Variants in PTPRD observed in about 807,000 individuals in gnomAD.
The protein encoded by PTPRD is receptor-type tyrosine-protein phosphatase delta.
A neutral mutation model predicts 214.5 loss-of-function variants in PTPRD; 34 were observed. The ratio of observed to expected loss-of-function variants is 0.16; its 90% confidence interval spans 0.12 to 0.21. The LOEUF is 0.21. PTPRD is among the 10% of genes least tolerant of loss of function. The probability of loss-of-function intolerance (pLI) is 1.00; values close to 1 mark genes in which losing one functional copy is unlikely to be tolerated. For missense variants in PTPRD, 2,545 were observed against 2,398.7 expected, an observed-to-expected ratio of 1.06 and a Z score of -1.27; for synonymous variants, 1,128 against 845.7, an observed-to-expected ratio of 1.33 and a Z score of -5.79.
intron 9 of PTPRD, among the ~76,000 whole-genome samples, chr9:9,294,171 A>C (rs1412884): frequency 0.13 from 20,248 of 151,604 alleles, 1,645 homozygotes; most frequent in Middle Eastern, 0.2. Flanking sequence ...TCACACTACT[A>C]AGAATGTTGT....
chr9:9,736,523 T>C (rs369347172), intron 6 of PTPRD, among the ~76,000 whole-genome samples: 3 of 152,086 alleles, frequency 2.0e-5, no homozygotes, highest in South Asian at 4.1e-4. Context: ...CATTACTGGG[T>C]CAGAAAATAT....
intron 30 of PTPRD, among the ~76,000 whole-genome samples, chr9:8,473,059 C>T (rs775566499): frequency 3.6e-4 from 55 of 152,286 alleles, no homozygotes; most frequent in South Asian, 8.3e-4. Context: ...CGGAGAGACG[C>T]ATCTGAACTA....
chr9:8,695,367 T>G (rs2097889941), intron 12 of PTPRD, among the ~76,000 whole-genome samples: 1 of 152,110 alleles, frequency 6.6e-6, no homozygotes, highest in East Asian at 1.9e-4. Context: ...CAGTAAGATT[T>G]GCCACTTAGG....
intron 10 of PTPRD, among the ~76,000 whole-genome samples, chr9:9,030,468 T>A (rs2099601667): frequency 6.6e-6 from 1 of 151,808 alleles, no homozygotes; most frequent in Non-Finnish European, 1.5e-5. Flanking sequence ...TTTGTGTACA[T>A]ACCAAGTCTC....
intron 9 of PTPRD, among the ~76,000 whole-genome samples, chr9:9,293,546 C>T (rs1951936623): frequency 6.6e-6 from 1 of 151,506 alleles, no homozygotes; most frequent in African/African-American, 2.4e-5. Context: ...TTAGAAACCA[C>T]ATATGAAAGT....
At chr9:10,423,741 TG>T (rs1205404045) in intron 2 of PTPRD, among the ~76,000 whole-genome samples, 1 of 151,980 alleles carries the variant, frequency 6.6e-6, no homozygotes, top group East Asian at 1.9e-4. Flanking sequence ...AAAACCTGAA[TG>T]TAAGTTTACT....
chr9:8,508,423 G>A (rs1174242267), intron 21 of PTPRD, among the ~76,000 whole-genome samples: 2 of 152,064 alleles, frequency 1.3e-5, no homozygotes, highest in East Asian at 3.9e-4. Flanking sequence ...CATTGTTCTT[G>A]GCCACTGTCT....
chr9:8,483,989 G>T (rs1276879242), intron 30 of PTPRD, 130 bp downstream of exon 30: 1 of 1,189,916 alleles, frequency 8.4e-7, no homozygotes, highest in East Asian at 2.4e-5. Context: ...AGCAAAACTG[G>T]GAGTCTGAGC....
chr9:9,382,967 T>C (rs116684825), intron 9 of PTPRD, among the ~76,000 whole-genome samples: 5,567 of 152,206 alleles, frequency 0.037, 356 homozygotes, highest in African/African-American at 0.13. Flanking sequence ...TAGAATATTA[T>C]GTTGCCTTAT....
At chr9:8,417,750 G>A (rs2094049268) in intron 35 of PTPRD, among the ~76,000 whole-genome samples, 1 of 152,058 alleles carries the variant, frequency 6.6e-6, no homozygotes, top group Non-Finnish European at 1.5e-5. Flanking sequence ...AGTGAAAGAG[G>A]CATATTTATA....
chr9:8,633,480 G>A, intron 13 of PTPRD, 22 bp from the exon 14 acceptor site: 2 of 1,607,828 alleles, frequency 1.2e-6, no homozygotes, highest in Non-Finnish European at 1.7e-6. Context: ...AACAATAGCT[G>A]TCACAGGTGT....
At chr9:9,971,456 A>G (rs986306457) in intron 4 of PTPRD, among the ~76,000 whole-genome samples, 3 of 152,198 alleles carry the variant, frequency 2.0e-5, no homozygotes, top group Non-Finnish European at 2.9e-5. Context: ...TGAAAGCAGT[A>G]TAACTCTACT....
chr9:9,587,583 G>T (rs986783431), intron 7 of PTPRD, among the ~76,000 whole-genome samples: 2 of 151,966 alleles, frequency 1.3e-5, no homozygotes, highest in Non-Finnish European at 1.5e-5. Flanking sequence ...ATACTACAGT[G>T]CTTCTCAAAC....
chr9:8,697,913 T>C (rs1334194023), intron 12 of PTPRD, among the ~76,000 whole-genome samples: 1 of 152,132 alleles, frequency 6.6e-6, no homozygotes. Context: ...ATCCCTAATT[T>C]TCCATCCACT....
intron 4 of PTPRD, among the ~76,000 whole-genome samples, chr9:9,940,533 C>A (rs77970309): frequency 0.037 from 5,644 of 152,156 alleles, 154 homozygotes; most frequent in East Asian, 0.17. Context: ...AATTCTAGAC[C>A]GATAACTTTT....
intron 2 of PTPRD, among the ~76,000 whole-genome samples, chr9:10,503,773 A>G (rs2044718561): frequency 6.6e-6 from 1 of 151,984 alleles, no homozygotes; most frequent in South Asian, 2.1e-4. Flanking sequence ...ATAAAGCCAA[A>G]TAGGGGACAA....
chr9:8,985,276 G>A (rs2099335234), intron 11 of PTPRD, among the ~76,000 whole-genome samples: 2 of 151,944 alleles, frequency 1.3e-5, no homozygotes, highest in South Asian at 4.2e-4. Flanking sequence ...ACTATTTTGT[G>A]GCAGAACTAG....
At chr9:9,883,132 G>GGGAATATCTATTC (rs2069396322) in intron 5 of PTPRD, among the ~76,000 whole-genome samples, 51 of 152,180 alleles carry the variant, frequency 3.4e-4, no homozygotes, top group African/African-American at 1.2e-3. Context: ...TTCCTTTACA[G>GGGAATATCTATTC]CAACGCAAAA....
rs150353406 is a variant in PTPRD at position 8,736,952 on chromosome 9, C to T, written c.-103-3006G>A. On this transcript the variant is annotated intron_variant, in intron 11 of 45. Coordinates refer to ENST00000381196, the MANE Select transcript of PTPRD (RefSeq NM_002839.4). Reference sequence around the variant, plus strand: ...CGCTTTCACTGCTCCCATCCTCATGCCAGCATTTCAAATGACAGCAAAGTC... The same window carrying T: ...CGCTTTCACTGCTCCCATCCTCATGTCAGCATTTCAAATGACAGCAAAGTC... 8.3e-3 allele frequency among the ~76,000 whole-genome samples: 1,258 copies of T among 152,282 alleles called. 14 individuals are homozygous for T. The highest frequency in any genetic ancestry group is 0.011 in the Non-Finnish European group (773 of 68,018).
Sources: gnomAD v4.1 joint callset for allele counts (sites outside exome capture counted in the v4.1 genomes callset) on GRCh38, gnomAD v4.1.1 for gene constraint, MANE v1.5 for transcripts, NCBI Gene and HGNC (gene_info 2026-07-23, HGNC 2026-07-21) for gene names.